The following SEL1L2 variants were observed in gnomAD, a reference collection of about 807,000 sequenced individuals.
The protein encoded by SEL1L2 is protein sel-1 homolog 2.
SEL1L2 carries 89 observed loss-of-function variants against 98.8 expected under a neutral mutation model. The observed-to-expected ratio is 0.90, with a 90% CI of 0.76 to 1.07. The LOEUF (loss-of-function observed/expected upper bound fraction) is 1.07. SEL1L2 is among the 50% of genes least tolerant of loss of function. SEL1L2 has a pLI of 0.00. For missense variants in SEL1L2, 788 were observed against 812.0 expected (o/e 0.97, Z 0.36); for synonymous variants, 262 against 278.5 (o/e 0.94, Z 0.59).
intron 2 of SEL1L2, among the ~76,000 whole-genome samples, chr20:13,932,308 A>G (rs923944834): frequency 6.6e-6 from 1 of 151,982 alleles, no homozygotes; most frequent in Non-Finnish European, 1.5e-5. Context: ...ATAATGCAGG[A>G]ATTAAGGTAG....
chr20:13,925,993 G>A (rs184332444), intron 3 of SEL1L2, among the ~76,000 whole-genome samples: 1 of 152,324 alleles, frequency 6.6e-6, no homozygotes, highest in Admixed American at 6.5e-5. Flanking sequence ...TCCTTGATAA[G>A]CAGATCCTAG....
intron 12 of SEL1L2, among the ~76,000 whole-genome samples, chr20:13,873,234 C>T (rs1364860165): frequency 1.3e-5 from 2 of 152,132 alleles, no homozygotes; most frequent in Admixed American, 6.5e-5. Context: ...AAGTGATCCA[C>T]CAGCCTCAGC....
chr20:13,935,459 A>G (rs1169655383), intron 2 of SEL1L2, among the ~76,000 whole-genome samples: 1 of 152,210 alleles, frequency 6.6e-6, no homozygotes, highest in Non-Finnish European at 1.5e-5. Flanking sequence ...TACAGGGTGG[A>G]GAAGTTCTAT....
At chr20:13,850,394 A>C in intron 18 of SEL1L2, 75 bp from the exon 19 acceptor site, 16 of 1,513,186 alleles carry the variant, frequency 1.1e-5, no homozygotes, top group African/African-American at 1.4e-5. Flanking sequence ...TCACAATATC[A>C]AATGTAATTA....
At chr20:13,868,045 C>T (rs2046007903) in intron 14 of SEL1L2, among the ~76,000 whole-genome samples, 1 of 152,074 alleles carries the variant, frequency 6.6e-6, no homozygotes, top group Admixed American at 6.6e-5. Flanking sequence ...TGGCCACTTC[C>T]TCTCTCACTC....
intron 17 of SEL1L2, among the ~76,000 whole-genome samples, chr20:13,862,688 A>T (rs1568839556): frequency 2.0e-5 from 3 of 150,990 alleles, no homozygotes; most frequent in Non-Finnish European, 4.4e-5. Flanking sequence ...ATTATTATTT[A>T]TTATTATTAT....
chr20:13,948,711 T>C (rs2050127787), intron 2 of SEL1L2, among the ~76,000 whole-genome samples: 2 of 152,246 alleles, frequency 1.3e-5, no homozygotes, highest in Admixed American at 1.3e-4. Flanking sequence ...TTCTTGGCTA[T>C]TGTTACTGAA....
chr20:13,920,218 A>G lies in SEL1L2; in HGVS notation c.284-1095T>C, dbSNP rs1013532907. ...ACTCCAGCCTGGGTGACAGAGCGAG[A>G]CTCCGTCCCAAAAAAAAAAAAAAAA... On this transcript the variant is annotated intron_variant, in intron 3 of 19. Transcript: ENST00000284951. 9.2e-5 allele frequency among the ~76,000 whole-genome samples: 10 copies of G among 109,270 alleles called. 1 individual carries two copies. The highest frequency in any genetic ancestry group is 3.3e-4 in the African/African-American group (10 of 30,266). The allele number at this position is 109,270 out of a possible 152,430, so 71.7% of individuals were successfully genotyped here. A position where few individuals can be genotyped will look rare whatever the true frequency, so the allele number is the denominator to read the frequency against.
At position 13,924,636 on chromosome 20, in the gene SEL1L2, G is replaced by T. The variant is rs182421527; in HGVS notation, c.284-5513C>A. On this transcript the variant is annotated intron_variant, in intron 3 of 19. Coordinates refer to ENST00000284951, the MANE Select transcript of SEL1L2 (RefSeq NM_025229.2). ...GACAGACTCTCACTGTATTGCCCAG[G>T]TTGTTCTCTAATCCTTGGACTTAAG... Among the ~76,000 whole-genome samples the T allele has an allele frequency of 3.1e-3, 471 of 151,950 alleles. 12 individuals are homozygous for T. The highest frequency in any genetic ancestry group is 0.029 in the Admixed American group (438 of 15,246).
At chr20:13,849,684 C>T in intron 19 of SEL1L2, 80 bp from the exon 20 acceptor site, 2 of 1,518,450 alleles carry the variant, frequency 1.3e-6, no homozygotes, top group Non-Finnish European at 1.8e-6. Context: ...CCCAAACCCA[C>T]CACCACCAAC....
At chr20:13,987,893 T>C (rs1254194463) in intron 1 of SEL1L2, among the ~76,000 whole-genome samples, 3 of 152,232 alleles carry the variant, frequency 2.0e-5, no homozygotes, top group Non-Finnish European at 1.5e-5. Flanking sequence ...TCATCAGATA[T>C]ATGAGTCACA....
In SEL1L2 at chr20:13,975,512, C is replaced by T. The variant is rs1469659429; in HGVS notation, c.58+14965G>A. ...TTCCCACCACAGAATTCAGGTCCTA[C>T]TAAACTCTGTTCTTCAGAATTTTAA... On this transcript the variant is annotated intron_variant, in intron 1 of 19. Coordinates refer to ENST00000284951, the MANE Select transcript of SEL1L2 (RefSeq NM_025229.2). 2.0e-5 allele frequency among the ~76,000 whole-genome samples: 3 copies of T among 152,138 alleles called. No individual in the cohort carries two copies. In the East Asian group the frequency reaches 5.8e-4, roughly 29 times the overall value.
At chr20:13,885,249 C>A (rs942534141) in intron 10 of SEL1L2, 98 bp downstream of exon 10, 2 of 798,754 alleles carry the variant, frequency 2.5e-6, no homozygotes, top group Admixed American at 3.5e-5. Flanking sequence ...TTCTGAGCAA[C>A]TCTTCCACCT....
chr20:13,867,111 G>A (rs1481210555), intron 14 of SEL1L2, among the ~76,000 whole-genome samples: 1 of 152,120 alleles, frequency 6.6e-6, no homozygotes. Flanking sequence ...TCTTATGAAA[G>A]TATCTCCTCA....
At chr20:13,947,242 T>A (rs563065398) in intron 2 of SEL1L2, among the ~76,000 whole-genome samples, 69 of 152,008 alleles carry the variant, frequency 4.5e-4, no homozygotes, top group Non-Finnish European at 7.6e-4. Flanking sequence ...TCTGAGCCCA[T>A]AAAAACCCCC....
At chr20:13,892,609 G>A (rs1423553441) in intron 5 of SEL1L2, among the ~76,000 whole-genome samples, 3 of 151,930 alleles carry the variant, frequency 2.0e-5, no homozygotes, top group Admixed American at 6.6e-5. Flanking sequence ...CAGTAAGAGA[G>A]GAAAAGAAGG....
At chr20:13,882,679 G>C (rs1390698302) in intron 10 of SEL1L2, among the ~76,000 whole-genome samples, 1 of 152,164 alleles carries the variant, frequency 6.6e-6, no homozygotes, top group African/African-American at 2.4e-5. Context: ...GAATTGCTCA[G>C]CTGAGGCTAA....
intron 6 of SEL1L2, 139 bp from the exon 7 acceptor site, chr20:13,888,140 A>G: frequency 1.4e-6 from 1 of 725,352 alleles, no homozygotes; most frequent in East Asian, 2.7e-5. Context: ...TTCAAATTTC[A>G]CTCTCCTTTG....
At chr20:13,882,456 G>A (rs1367253164) in intron 10 of SEL1L2, among the ~76,000 whole-genome samples, 2 of 152,236 alleles carry the variant, frequency 1.3e-5, no homozygotes, top group African/African-American at 4.8e-5. Flanking sequence ...CAGGCCTCAA[G>A]AGACTTCTGC....
Sources: gnomAD v4.1 joint callset for allele counts (sites outside exome capture counted in the v4.1 genomes callset) on GRCh38, gnomAD v4.1.1 for gene constraint, MANE v1.5 for transcripts, NCBI Gene and HGNC (gene_info 2026-07-23, HGNC 2026-07-21) for gene names.